The following CSMD1 variants were observed in gnomAD, a reference collection of about 807,000 sequenced individuals.
CSMD1 encodes the protein CUB and sushi domain-containing protein 1.
CSMD1 carries 213 observed loss-of-function variants against 417.5 expected under a neutral mutation model. The observed-to-expected ratio is 0.51, with a 90% confidence interval of 0.46 to 0.57. The LOEUF is 0.57. CSMD1 is among the 20% of genes least tolerant of loss of function. CSMD1 has a pLI of 0.00. For synonymous variants in CSMD1, 2,862 were observed against 1,736.8 expected, an observed-to-expected ratio of 1.65 and a Z score of -16.11; for missense variants, 6,923 against 4,529.7, an observed-to-expected ratio of 1.53 and a Z score of -15.17.
At chr8:4,740,082 T>A (rs975296261) in intron 1 of CSMD1, among the ~76,000 whole-genome samples, 1 of 152,086 alleles carries the variant, frequency 6.6e-6, no homozygotes, top group African/African-American at 2.4e-5. Context: ...AAGCAGAATC[T>A]GATGGCTCTC....
intron 1 of CSMD1, among the ~76,000 whole-genome samples, chr8:4,922,853 A>G (rs1000632672): frequency 1.3e-4 from 20 of 152,208 alleles, no homozygotes; most frequent in Admixed American, 7.8e-4. Context: ...AGTTTTTCCT[A>G]GTGCTAAAGT....
chr8:3,802,671 T>C (rs76719080), intron 5 of CSMD1, among the ~76,000 whole-genome samples: 4,803 of 152,252 alleles, frequency 0.032, 179 homozygotes, highest in African/African-American at 0.086. Flanking sequence ...ACTTCTCTAC[T>C]CATGACACTT....
At chr8:3,035,964 G>C (rs943726142) in intron 50 of CSMD1, among the ~76,000 whole-genome samples, 5 of 152,066 alleles carry the variant, frequency 3.3e-5, no homozygotes, top group Admixed American at 1.3e-4. Context: ...CAAAATATTT[G>C]ACATGGTTAA....
chr8:4,817,130 C>T (rs1799253397), intron 1 of CSMD1, among the ~76,000 whole-genome samples: 1 of 152,044 alleles, frequency 6.6e-6, no homozygotes. Context: ...TATATAAATA[C>T]ATATCATAAT....
chr8:3,705,271 C>A (rs1395817611), intron 7 of CSMD1, among the ~76,000 whole-genome samples: 1 of 152,190 alleles, frequency 6.6e-6, no homozygotes, highest in Admixed American at 6.5e-5. Flanking sequence ...AGGTCACCCT[C>A]TGCAAAGAGC....
intron 21 of CSMD1, among the ~76,000 whole-genome samples, chr8:3,354,101 C>A (rs1422608733): frequency 6.6e-6 from 1 of 152,116 alleles, no homozygotes; most frequent in Non-Finnish European, 1.5e-5. Flanking sequence ...TCGGCAAGGT[C>A]ATTTTATTGG....
intron 3 of CSMD1, among the ~76,000 whole-genome samples, chr8:4,188,279 G>T (rs147864437): frequency 6.6e-6 from 1 of 152,204 alleles, no homozygotes; most frequent in East Asian, 1.9e-4. Context: ...TGCCCTAGAC[G>T]TCGGTCAATG....
intron 3 of CSMD1, among the ~76,000 whole-genome samples, chr8:4,373,295 G>T (rs111569951): frequency 6.6e-6 from 1 of 151,850 alleles, no homozygotes; most frequent in East Asian, 1.9e-4. Context: ...GGGACAGAAA[G>T]GGAACATTAG....
intron 3 of CSMD1, among the ~76,000 whole-genome samples, chr8:4,259,602 C>A (rs1803728979): frequency 6.6e-6 from 1 of 151,462 alleles, no homozygotes; most frequent in African/African-American, 2.4e-5. Context: ...TAAAAATAAA[C>A]TTCAAAACTT....
chr8:3,656,840 G>C (rs1456229940), intron 7 of CSMD1, among the ~76,000 whole-genome samples: 1 of 151,940 alleles, frequency 6.6e-6, no homozygotes, highest in East Asian at 1.9e-4. Context: ...CAGATGAATA[G>C]CTTGTCCCTG....
rs140847611 is a variant in CSMD1, at chr8:3,325,706, C to A, written c.3632-17203G>T. On this transcript the variant is annotated intron_variant, in intron 23 of 69. Transcript: ENST00000635120. The stretch of plus-strand genomic sequence containing the variant: ...GGGCATGGTGGCAGGCGCCTATAAT[C>A]CCAGCTACTCGGGAAGCTGAGGCAA... Among the ~76,000 whole-genome samples the A allele has an allele frequency of 2.5e-3, 388 of 152,274 alleles. 1 individual carries two copies. Among genetic ancestry groups the A allele is most frequent in the African/African-American group, 8.6e-3 (359 of 41,566 alleles).
chr8:3,308,945 G>A (rs1034629732), intron 23 of CSMD1, among the ~76,000 whole-genome samples: 1 of 151,816 alleles, frequency 6.6e-6, no homozygotes, highest in African/African-American at 2.4e-5. Context: ...GGCTGGTCTC[G>A]AATACCTGAC....
chr8:3,925,051 C>G (rs1189159813), intron 5 of CSMD1, among the ~76,000 whole-genome samples: 1 of 152,150 alleles, frequency 6.6e-6, no homozygotes, highest in Non-Finnish European at 1.5e-5. Context: ...TACTGTGGGT[C>G]TCTGCATCTG....
rs190361288 is a variant in CSMD1 at position 4,835,024 on chromosome 8, G to T, written c.85+159308C>A. Among the ~76,000 whole-genome samples the T allele has an allele frequency of 4.0e-3, 475 of 120,096 alleles. 3 individuals are homozygous for T. Among genetic ancestry groups the T allele is most frequent in the Middle Eastern group, 0.026 (5 of 192 alleles). 78.8% of individuals were successfully genotyped at this position (120,096 alleles called of 152,430 possible). The stretch of plus-strand genomic sequence containing the variant: ...AAGAAAGAAAGAAAAAAAAATCACA[G>T]TATTGGGGGAACAAATGATGACATT... On this transcript the variant is annotated intron_variant, in intron 1 of 69. Transcript: ENST00000635120.
chr8:4,698,121 G>T (rs1460113929), intron 1 of CSMD1, among the ~76,000 whole-genome samples: 1 of 139,718 alleles, frequency 7.2e-6, no homozygotes, highest in Non-Finnish European at 1.5e-5. Flanking sequence ...GAACACTTTT[G>T]CTTTGAATAC....
chr8:4,475,475 A>G (rs1167717849), intron 2 of CSMD1, among the ~76,000 whole-genome samples: 1 of 152,176 alleles, frequency 6.6e-6, no homozygotes, highest in Non-Finnish European at 1.5e-5. Flanking sequence ...GATTCTCGAT[A>G]CAGAGAACCC....
chr8:3,534,705 G>C (rs938639735), intron 10 of CSMD1, among the ~76,000 whole-genome samples: 2 of 152,060 alleles, frequency 1.3e-5, no homozygotes, highest in Admixed American at 1.3e-4. Context: ...CATTCTTCTA[G>C]TCCCAGAGCC....
At chr8:4,266,467 C>T (rs1223880011) in intron 3 of CSMD1, among the ~76,000 whole-genome samples, 1 of 103,504 alleles carries the variant, frequency 9.7e-6, no homozygotes, top group Non-Finnish European at 2.6e-5. Context: ...TAGATAGAAG[C>T]CAAGGATAAA....
At chr8:3,524,890 G>C (rs1563121497) in intron 10 of CSMD1, among the ~76,000 whole-genome samples, 1 of 137,242 alleles carries the variant, frequency 7.3e-6, no homozygotes, top group Non-Finnish European at 1.5e-5. Flanking sequence ...CAAATTTTTG[G>C]TGGAGTTAAA....
Sources: allele counts gnomAD v4.1 joint callset (sites outside exome capture counted in the v4.1 genomes callset), GRCh38; gene constraint gnomAD v4.1.1; transcripts MANE v1.5; gene names NCBI Gene and HGNC (gene_info 2026-07-23, HGNC 2026-07-21).